The following SORCS1 variants were observed in gnomAD, a reference collection of about 807,000 sequenced individuals.
SORCS1 encodes VPS10 domain-containing receptor SorCS1.
Under a neutral mutation model 146.1 loss-of-function variants are expected in SORCS1, and 60 were observed. The ratio of observed to expected loss-of-function variants is 0.41; its 90% CI spans 0.33 to 0.51. The LOEUF (loss-of-function observed/expected upper bound fraction) is 0.51. Ranked by LOEUF, SORCS1 falls within the 20% of genes least tolerant of loss-of-function variation. SORCS1 has a pLI of 0.21. For missense variants in SORCS1, 1,352 were observed against 1,487.6 expected (o/e 0.91, Z 1.50); for synonymous variants, 637 against 584.0 (o/e 1.09, Z -1.31).
At chr10:107,180,271 C>A in the SORCS1 span, among the ~76,000 whole-genome samples, 172 of 152,258 alleles carry the variant, frequency 1.1e-3, 1 homozygote, top group African/African-American at 3.9e-3. Context: ...TCTAATAACT[C>A]TTTGCCTAAT....
chr10:106,836,247 G>A (rs1410094060), intron 2 of SORCS1, among the ~76,000 whole-genome samples: 1 of 151,886 alleles, frequency 6.6e-6, no homozygotes, highest in African/African-American at 2.4e-5. Context: ...GGCCGAGGCG[G>A]GCAGATCACG....
At chr10:107,019,824 T>A (rs1255134759) in intron 1 of SORCS1, among the ~76,000 whole-genome samples, 1 of 152,208 alleles carries the variant, frequency 6.6e-6, no homozygotes, top group Non-Finnish European at 1.5e-5. Flanking sequence ...TTTTGAAACT[T>A]ACAATCTACT....
chr10:106,680,931 G>A (rs772849418), intron 10 of SORCS1, among the ~76,000 whole-genome samples: 6 of 152,162 alleles, frequency 3.9e-5, no homozygotes, highest in East Asian at 1.9e-4. Flanking sequence ...CAGCCAGAAC[G>A]CTGGTGAAAT....
At chr10:106,831,968 A>C (rs1463460078) in intron 2 of SORCS1, among the ~76,000 whole-genome samples, 1 of 152,200 alleles carries the variant, frequency 6.6e-6, no homozygotes, top group African/African-American at 2.4e-5. Flanking sequence ...ACTATAATCA[A>C]ACACACATTA....
At chr10:106,801,675 G>A (rs1036194134) in intron 3 of SORCS1, among the ~76,000 whole-genome samples, 12 of 151,910 alleles carry the variant, frequency 7.9e-5, no homozygotes, top group East Asian at 7.8e-4. Flanking sequence ...GACTACAGGC[G>A]CCCGCCACCA....
intron 1 of SORCS1, among the ~76,000 whole-genome samples, chr10:107,094,748 T>C (rs1360414341): frequency 6.6e-6 from 1 of 152,132 alleles, no homozygotes; most frequent in Non-Finnish European, 1.5e-5. Context: ...AAAGATATAG[T>C]TTGCCAGACC....
chr10:106,672,091 T>C (rs1339958211), intron 15 of SORCS1, among the ~76,000 whole-genome samples: 2 of 152,224 alleles, frequency 1.3e-5, no homozygotes, highest in Admixed American at 1.3e-4. Flanking sequence ...CTTTATCTAC[T>C]GTACACCGTC....
At chr10:106,725,138 T>TCAAAA (rs764606218) in intron 6 of SORCS1, among the ~76,000 whole-genome samples, 17 of 151,244 alleles carry the variant, frequency 1.1e-4, no homozygotes, top group East Asian at 4.0e-4. Flanking sequence ...AGACTTCATC[T>TCAAAA]CAAAACAAAA....
At chr10:107,157,502 C>T (rs188360037) in intron 1 of SORCS1, among the ~76,000 whole-genome samples, 1 of 152,078 alleles carries the variant, frequency 6.6e-6, no homozygotes, top group Admixed American at 6.5e-5. Flanking sequence ...AGTAATGTGT[C>T]GATCTTTGAA....
intron 8 of SORCS1, among the ~76,000 whole-genome samples, chr10:106,703,936 C>T (rs1000064664): frequency 6.6e-6 from 1 of 152,190 alleles, no homozygotes; most frequent in East Asian, 1.9e-4. Context: ...CTGCATTCTA[C>T]CCTCAGAACC....
intron 3 of SORCS1, among the ~76,000 whole-genome samples, chr10:106,798,386 C>T (rs1946688797): frequency 6.6e-6 from 1 of 152,102 alleles, no homozygotes; most frequent in Non-Finnish European, 1.5e-5. Flanking sequence ...TGTGCTGCAC[C>T]TATTAACTTG....
At chr10:106,809,233 A>G (rs1442689075) in intron 3 of SORCS1, among the ~76,000 whole-genome samples, 1 of 151,932 alleles carries the variant, frequency 6.6e-6, no homozygotes, top group African/African-American at 2.4e-5. Context: ...ATAAATAATA[A>G]TAATAAAAAA....
At position 106,834,893 on chromosome 10, in the gene SORCS1, T is replaced by C. The variant is rs189762550; in HGVS notation, c.627-5220A>G. ...ACACCTATACTGTGCCAGAAGAAGC[T>C]AAAAGCTTAACAAAATAAGCATTCC... On this transcript the variant is annotated intron_variant, in intron 2 of 25. Coordinates refer to ENST00000263054, the MANE Select transcript of SORCS1 (RefSeq NM_052918.5). 8.5e-5 allele frequency among the ~76,000 whole-genome samples: 13 copies of C among 152,324 alleles called. No individual in the cohort carries two copies. The East Asian group carries it at 2.5e-3, about 29-fold the overall frequency.
At chr10:106,584,196 A>G (rs768752779) in intron 24 of SORCS1, among the ~76,000 whole-genome samples, 1 of 152,246 alleles carries the variant, frequency 6.6e-6, no homozygotes, top group Non-Finnish European at 1.5e-5. Flanking sequence ...AAGTTTATCC[A>G]GAATGCAGAA....
At position 107,079,068 on chromosome 10, in the gene SORCS1, A is replaced by G. The variant is rs146186282; in HGVS notation, c.558+84901T>C. On this transcript the variant is annotated intron_variant, in intron 1 of 25. Coordinates refer to ENST00000263054, the MANE Select transcript of SORCS1 (RefSeq NM_052918.5). ...GTGAAACCACGTCTCTACTAAAAAT[A>G]CAAAAAAATTAGCCGGGCACAGTGG... Among the ~76,000 whole-genome samples, 523 of 152,268 alleles carry G rather than the reference A, an allele frequency of 3.4e-3. 9 individuals carry two copies. Among genetic ancestry groups the G allele is most frequent in the African/African-American group, 0.012 (498 of 41,566 alleles).
At chr10:107,131,286 C>T (rs1010518406) in intron 1 of SORCS1, among the ~76,000 whole-genome samples, 1 of 152,196 alleles carries the variant, frequency 6.6e-6, no homozygotes, top group Non-Finnish European at 1.5e-5. Flanking sequence ...CTGCCTTATC[C>T]TCTGACCCAA....
intron 1 of SORCS1, among the ~76,000 whole-genome samples, chr10:107,104,078 C>T (rs559592256): frequency 4.3e-4 from 66 of 152,288 alleles, no homozygotes; most frequent in African/African-American, 1.5e-3. Context: ...GAATGTACTG[C>T]CGGTGCAACT....
intron 1 of SORCS1, among the ~76,000 whole-genome samples, chr10:106,982,908 G>T (rs891408170): frequency 6.6e-6 from 1 of 151,922 alleles, no homozygotes; most frequent in African/African-American, 2.4e-5. Context: ...AGCCTATTGA[G>T]AGCTTTTTGA....
chr10:106,934,029 G>A (rs1293220587), intron 2 of SORCS1, among the ~76,000 whole-genome samples: 7 of 150,614 alleles, frequency 4.6e-5, no homozygotes, highest in Non-Finnish European at 1.5e-5. Context: ...AGGAGGCGGA[G>A]GTTGCAGTGA....
Sources: allele counts gnomAD v4.1 joint callset (sites outside exome capture counted in the v4.1 genomes callset), GRCh38; gene constraint gnomAD v4.1.1; transcripts MANE v1.5; gene names NCBI Gene and HGNC (gene_info 2026-07-23, HGNC 2026-07-21).